Variants in SERAC1 observed in about 807,000 individuals in gnomAD.
SERAC1 encodes the protein serine active site containing 1.
In SERAC1, 36 loss-of-function variants were observed where a neutral mutation model predicts 85.7. That is an observed-to-expected ratio of 0.42 (90% CI 0.32 to 0.55). SERAC1 has a LOEUF of 0.55. Among genes scored for constraint, SERAC1 ranks in the 20% least tolerant of loss-of-function variants. The pLI is 0.11. For synonymous variants in SERAC1, 242 were observed against 265.3 expected (o/e 0.91, Z 0.85); for missense variants, 629 against 796.2 (o/e 0.79, Z 2.53).
chr6:158,113,534 G>A lies in SERAC1; in HGVS notation c.1743C>T (p.Asn581=). 1 of 1,613,866 alleles carries A rather than the reference G, an allele frequency of 6.2e-7. No individual in the cohort carries two copies. Residue 581 remains asparagine, a synonymous_variant, in exon 16 of 17, where the codon AAC becomes AAT. Coordinates refer to ENST00000647468, the MANE Select transcript of SERAC1 (RefSeq NM_032861.4). The part of the protein sequence containing the change: ...DDFLEFAKDK[N]FQVLNFVETL... ...TTTCCACAAAATTCAGCACCTGGAA[G>A]TTTTTGTCTTTAGCAAACTCCAGAA...
At chr6:158,118,337 T>C (rs1018834743) in intron 12 of SERAC1, among the ~76,000 whole-genome samples, 27 of 152,316 alleles carry the variant, frequency 1.8e-4, no homozygotes, top group African/African-American at 6.3e-4. Flanking sequence ...AATGGAACAA[T>C]GCCCTAAAAA....
Position 158,148,945 on chromosome 6 carries a change from C to G in SERAC1, c.275G>C (p.Trp92Ser), listed in dbSNP as rs1366554838. ...TTTGTGAAGTTCTTTTCTTGCCTGC[C>G]AGGCAATACCTAAAATGATTATAAA... Reference protein sequence around the residue: ...LDKGENHGIAWQARKELHKAV... With the variant: ...LDKGENHGIASQARKELHKAV... Residue 92 changes from tryptophan to serine, a missense_variant, in exon 5 of 17, where the codon TGG becomes TCG. Trp to Ser is a radical substitution (Grantham distance 177). Coordinates refer to ENST00000647468, the MANE Select transcript of SERAC1 (RefSeq NM_032861.4). The G allele has an allele frequency of 6.2e-7, 1 of 1,606,188 alleles. No homozygotes were observed. The highest frequency in any genetic ancestry group is 8.5e-7 in the Non-Finnish European group (1 of 1,175,896).
At chr6:158,111,987 G>C (rs1467762911) in intron 16 of SERAC1, 1 of 152,946 alleles carries the variant, frequency 6.5e-6, no homozygotes, top group Non-Finnish European at 1.5e-5. Context: ...CCCTCGCACG[G>C]AAGTGATAAG....
At chr6:158,150,635 G>GT in intron 3 of SERAC1, 46 bp from the exon 4 acceptor site, 1 of 1,329,130 alleles carries the variant, frequency 7.5e-7, no homozygotes, top group Non-Finnish European at 1.1e-6. Context: ...CAATCAAAAT[G>GT]TAACACAAGA....
At position 158,130,369 on chromosome 6, in the gene SERAC1, T is replaced by G; in HGVS notation, c.852+4A>C. 1.4e-6 allele frequency: 2 copies of G among 1,453,200 alleles called. No individual in the cohort carries two copies. The highest frequency in any genetic ancestry group is 1.9e-6 in the Non-Finnish European group (2 of 1,079,658). The allele number at this position is 1,453,200 out of a possible 1,614,324, so 90.0% of individuals were successfully genotyped here. Reference sequence around the variant, plus strand: ...GTAAACTACATTTTGAAAATGTAAATTACCTCAGAATGTTTTACTATAGCT... The same window carrying G: ...GTAAACTACATTTTGAAAATGTAAAGTACCTCAGAATGTTTTACTATAGCT... On this transcript the variant is annotated splice_donor_region_variant and intron_variant, in intron 9 of 16. Transcript: ENST00000647468.
chr6:158,164,843 T>A (rs1785561619), intron 1 of SERAC1, among the ~76,000 whole-genome samples: 3 of 152,184 alleles, frequency 2.0e-5, no homozygotes, highest in Admixed American at 6.5e-5. Flanking sequence ...TAATGAAATA[T>A]GAGTGGATGT....
intron 2 of SERAC1, among the ~76,000 whole-genome samples, chr6:158,155,837 C>G (rs1298676750): frequency 6.6e-6 from 1 of 152,174 alleles, no homozygotes; most frequent in Non-Finnish European, 1.5e-5. Flanking sequence ...TACATACGTA[C>G]GTAGCCCCAT....
intron 6 of SERAC1, among the ~76,000 whole-genome samples, chr6:158,145,606 C>T (rs1167845444): frequency 6.6e-6 from 1 of 151,032 alleles, no homozygotes; most frequent in Non-Finnish European, 1.5e-5. Context: ...CTAACAACTC[C>T]ACCTCGTGGG....
chr6:158,118,907 A>G, intron 12 of SERAC1, 122 bp downstream of exon 12: 1 of 1,178,738 alleles, frequency 8.5e-7, no homozygotes, highest in Non-Finnish European at 1.2e-6. Context: ...AAATCTCCCT[A>G]AGGGAAAGAA....
intron 2 of SERAC1, among the ~76,000 whole-genome samples, chr6:158,156,552 G>T (rs1358325128): frequency 6.6e-6 from 1 of 151,636 alleles, no homozygotes; most frequent in African/African-American, 2.4e-5. Flanking sequence ...CAAGAAGATT[G>T]CTAAACTGTA....
At chr6:158,118,968 C>A in intron 12 of SERAC1, 61 bp downstream of exon 12, 1 of 1,549,744 alleles carries the variant, frequency 6.5e-7, no homozygotes, top group African/African-American at 1.4e-5. Flanking sequence ...AAGCAAGCCA[C>A]AATCAGGGCC....
chr6:158,143,607 T>C (rs1023162553), intron 7 of SERAC1, among the ~76,000 whole-genome samples: 10 of 152,098 alleles, frequency 6.6e-5, no homozygotes, highest in Non-Finnish European at 1.2e-4. Context: ...AAATGAATTA[T>C]TGCACCCTTA....
chr6:158,156,863 T>G (rs1434579394), intron 2 of SERAC1, among the ~76,000 whole-genome samples: 3 of 101,540 alleles, frequency 3.0e-5, no homozygotes, highest in Non-Finnish European at 6.3e-5. Context: ...ATAATAAATA[T>G]TAATATATTT....
At chr6:158,155,434 A>G (rs1785306657) in intron 2 of SERAC1, 83 bp from the exon 3 acceptor site, 2 of 745,704 alleles carry the variant, frequency 2.7e-6, no homozygotes, top group Non-Finnish European at 4.6e-6. Flanking sequence ...GTCTCTACCT[A>G]TATCATATAT....
intron 10 of SERAC1, among the ~76,000 whole-genome samples, chr6:158,126,790 A>G (rs1784548566): frequency 6.6e-6 from 1 of 152,156 alleles, no homozygotes; most frequent in African/African-American, 2.4e-5. Flanking sequence ...CAGGCCAGGC[A>G]TGGTAATCTC....
At chr6:158,155,863 G>C (rs894128618) in intron 2 of SERAC1, among the ~76,000 whole-genome samples, 9 of 152,326 alleles carry the variant, frequency 5.9e-5, no homozygotes, top group African/African-American at 2.2e-4. Flanking sequence ...ATAGAGATTA[G>C]GCCGGGTGCG....
chr6:158,133,564 C>A (rs1254178305), intron 8 of SERAC1, among the ~76,000 whole-genome samples: 1 of 151,720 alleles, frequency 6.6e-6, no homozygotes, highest in Admixed American at 6.6e-5. Flanking sequence ...TTTTTGTATT[C>A]TCAGTAGAGA....
At chr6:158,131,568 G>T (rs1784677710) in intron 8 of SERAC1, among the ~76,000 whole-genome samples, 1 of 151,298 alleles carries the variant, frequency 6.6e-6, no homozygotes, top group Admixed American at 6.6e-5. Flanking sequence ...ACACTGAAAG[G>T]ACACTAAGAA....
chr6:158,116,175 C>T lies in SERAC1; in HGVS notation c.1501+10G>A, dbSNP rs1784283188. ...CAATGGCCACTTCACAAAGTTGAAG[C>T]CACACTTACCTCCCATGCTATGTGA... On this transcript the variant is annotated intron_variant, in intron 14 of 16. Coordinates refer to ENST00000647468, the MANE Select transcript of SERAC1 (RefSeq NM_032861.4). 1 of 1,609,638 alleles carries T rather than the reference C, an allele frequency of 6.2e-7. No individual in the cohort carries two copies. Among genetic ancestry groups the T allele is most frequent in the African/African-American group, 1.3e-5 (1 of 74,806 alleles).
Sources: gnomAD v4.1 joint callset for allele counts (sites outside exome capture counted in the v4.1 genomes callset) on GRCh38, gnomAD v4.1.1 for gene constraint, MANE v1.5 for transcripts, NCBI Gene and HGNC (gene_info 2026-07-23, HGNC 2026-07-21) for gene names.